The following NRXN1 variants were observed in gnomAD, a reference collection of about 807,000 sequenced individuals.
NRXN1 encodes the protein neurexin-1.
Under a neutral mutation model 150.9 loss-of-function variants are expected in NRXN1, and 39 were observed. The observed-to-expected ratio is 0.26, with a 90% CI of 0.20 to 0.34. The LOEUF is 0.34. NRXN1 is among the 10% of genes least tolerant of loss of function. The pLI is 1.00. For missense variants in NRXN1, 1,815 were observed against 1,949.9 expected, an observed-to-expected ratio of 0.93 and a Z score of 1.30; for synonymous variants, 924 against 757.0, an observed-to-expected ratio of 1.22 and a Z score of -3.62.
At chr2:50,174,595 G>A (rs1001292316) in intron 18 of NRXN1, 2 of 152,086 alleles carry the variant, frequency 1.3e-5, no homozygotes, top group Non-Finnish European at 2.9e-5. Flanking sequence ...CAGCAATTAA[G>A]AATAAGGGTC....
chr2:50,261,854 C>G (rs1387318297), intron 17 of NRXN1, among the ~76,000 whole-genome samples: 1 of 151,824 alleles, frequency 6.6e-6, no homozygotes, highest in Non-Finnish European at 1.5e-5. Context: ...AACCTTGAAT[C>G]AGGAAACTAT....
intron 5 of NRXN1, among the ~76,000 whole-genome samples, chr2:50,851,813 C>T (rs1286308377): frequency 1.3e-5 from 2 of 152,106 alleles, no homozygotes; most frequent in Non-Finnish European, 2.9e-5. Flanking sequence ...ATCAGGCCCT[C>T]GAAAGGACCC....
rs961953527 is a variant in NRXN1 at position 50,024,852 on chromosome 2, A to C, written c.4128+28419T>G. ...AGGTTGGTCTCGAACTCCTGACCTC[A>C]TGATCTGCCCACCTCAGCCTCCCAG... On this transcript the variant is annotated intron_variant, in intron 21 of 22. Coordinates refer to ENST00000401669, the MANE Select transcript of NRXN1 (RefSeq NM_001330078.2). Among the ~76,000 whole-genome samples the C allele has an allele frequency of 2.6e-5, 4 of 152,046 alleles. No homozygotes were observed. In the East Asian group the frequency reaches 7.7e-4, roughly 29 times the overall value.
At chr2:50,016,924 G>A (rs1686728834) in intron 21 of NRXN1, among the ~76,000 whole-genome samples, 1 of 152,110 alleles carries the variant, frequency 6.6e-6, no homozygotes, top group African/African-American at 2.4e-5. Flanking sequence ...ATAACTGGTA[G>A]AACAATAATA....
At chr2:50,892,754 A>C (rs1681269835) in intron 5 of NRXN1, among the ~76,000 whole-genome samples, 1 of 152,198 alleles carries the variant, frequency 6.6e-6, no homozygotes, top group Non-Finnish European at 1.5e-5. Flanking sequence ...ATATTTATTC[A>C]TAACATATGT....
At chr2:50,791,727 C>T (rs998223389) in intron 5 of NRXN1, among the ~76,000 whole-genome samples, 7 of 152,060 alleles carry the variant, frequency 4.6e-5, no homozygotes, top group Admixed American at 6.6e-5. Flanking sequence ...GTAATTTAAA[C>T]GTTATTTTAA....
At chr2:50,466,164 T>G (rs2104652395) in intron 16 of NRXN1, among the ~76,000 whole-genome samples, 1 of 151,432 alleles carries the variant, frequency 6.6e-6, no homozygotes, top group East Asian at 2.0e-4. Context: ...AACATACAAG[T>G]AAAAAGAATG....
intron 22 of NRXN1, among the ~76,000 whole-genome samples, chr2:49,943,252 C>T (rs1672322031): frequency 6.6e-6 from 1 of 152,202 alleles, no homozygotes. Context: ...AATACTCTCA[C>T]TTCCGAAATT....
intron 17 of NRXN1, among the ~76,000 whole-genome samples, chr2:50,386,294 T>C (rs2081321222): frequency 6.6e-6 from 1 of 152,134 alleles, no homozygotes; most frequent in Admixed American, 6.6e-5. Context: ...ATAAAATCTG[T>C]AAGTGCAAAA....
At chr2:50,383,401 C>T (rs995443122) in intron 17 of NRXN1, among the ~76,000 whole-genome samples, 1 of 152,012 alleles carries the variant, frequency 6.6e-6, no homozygotes, top group Non-Finnish European at 1.5e-5. Context: ...AGGAAATCTC[C>T]ATACAGTCTG....
intron 17 of NRXN1, among the ~76,000 whole-genome samples, chr2:50,363,041 C>G (rs1483299386): frequency 2.6e-5 from 4 of 152,126 alleles, no homozygotes; most frequent in African/African-American, 9.7e-5. Context: ...TAGCCATATT[C>G]AGAAAACTGA....
intron 2 of NRXN1, among the ~76,000 whole-genome samples, chr2:50,968,918 T>C (rs534817469): frequency 6.6e-6 from 1 of 152,238 alleles, no homozygotes; most frequent in East Asian, 1.9e-4. Flanking sequence ...TAAATTTCTA[T>C]CTGGTTTAGA....
chr2:50,329,670 TA>T (rs1459008116), intron 17 of NRXN1, among the ~76,000 whole-genome samples: 2 of 23,152 alleles, frequency 8.6e-5, no homozygotes, highest in Non-Finnish European at 6.8e-5. Flanking sequence ...TATATATATA[TA>T]TATTTTTTTT....
intron 17 of NRXN1, among the ~76,000 whole-genome samples, chr2:50,404,982 C>A (rs1572850037): frequency 6.6e-6 from 1 of 152,142 alleles, no homozygotes; most frequent in East Asian, 1.9e-4. Flanking sequence ...GCTTGGTTTG[C>A]AGAACAAATC....
intron 21 of NRXN1, among the ~76,000 whole-genome samples, chr2:49,947,138 C>A (rs1572987415): frequency 6.6e-6 from 1 of 152,040 alleles, no homozygotes; most frequent in East Asian, 1.9e-4. Context: ...TCCCCCCGGA[C>A]CAACATCTAG....
At chr2:50,778,020 C>T (rs548301282) in intron 5 of NRXN1, among the ~76,000 whole-genome samples, 1 of 152,110 alleles carries the variant, frequency 6.6e-6, no homozygotes, top group Admixed American at 6.5e-5. Context: ...CTGTGTTATT[C>T]ATAACATAAC....
At chr2:50,174,910 T>C (rs1329494206) in intron 18 of NRXN1, 1 of 152,206 alleles carries the variant, frequency 6.6e-6, no homozygotes, top group Non-Finnish European at 1.5e-5. Flanking sequence ...AGTAACATGC[T>C]ATACTTAGCT....
At chr2:50,256,827 A>G (rs1285300315) in intron 17 of NRXN1, among the ~76,000 whole-genome samples, 1 of 152,012 alleles carries the variant, frequency 6.6e-6, no homozygotes, top group East Asian at 1.9e-4. Flanking sequence ...TCTCCTGCCC[A>G]TTTCCCTCTT....
At chr2:50,767,859 G>A (rs1202970288) in intron 5 of NRXN1, among the ~76,000 whole-genome samples, 2 of 151,716 alleles carry the variant, frequency 1.3e-5, no homozygotes, top group Non-Finnish European at 2.9e-5. Context: ...CCTAATTAAG[G>A]GCATTAAACA....
Sources: allele counts gnomAD v4.1 joint callset (sites outside exome capture counted in the v4.1 genomes callset), GRCh38; gene constraint gnomAD v4.1.1; transcripts MANE v1.5; gene names NCBI Gene and HGNC (gene_info 2026-07-23, HGNC 2026-07-21).